PRKCE: variants seen among roughly 807,000 people sequenced by gnomAD.
The protein encoded by PRKCE is protein kinase C epsilon type.
PRKCE carries 16 observed loss-of-function variants against 85.4 expected under a neutral mutation model. The ratio of observed to expected loss-of-function variants is 0.19; its 90% CI spans 0.13 to 0.28. The LOEUF (loss-of-function observed/expected upper bound fraction) is 0.28. Ranked by LOEUF, PRKCE falls within the 10% of genes least tolerant of loss-of-function variation. The pLI is 1.00. For missense variants in PRKCE, 573 were observed against 975.2 expected (o/e 0.59, Z 5.49); for synonymous variants, 388 against 371.5 (o/e 1.04, Z -0.51).
chr2:45,837,631 C>A (rs1282246979), intron 1 of PRKCE, among the ~76,000 whole-genome samples: 1 of 152,182 alleles, frequency 6.6e-6, no homozygotes, highest in African/African-American at 2.4e-5. Flanking sequence ...ATGGCACCTC[C>A]TGGGGTTGTG....
intron 10 of PRKCE, among the ~76,000 whole-genome samples, chr2:46,018,520 C>T (rs1706364132): frequency 6.6e-6 from 1 of 152,108 alleles, no homozygotes; most frequent in Admixed American, 6.5e-5. Context: ...ATACAGTGCC[C>T]AGAACTCAGT....
At chr2:45,884,684 C>T (rs1057388477) in intron 2 of PRKCE, among the ~76,000 whole-genome samples, 9 of 152,056 alleles carry the variant, frequency 5.9e-5, no homozygotes, top group Non-Finnish European at 8.8e-5. Flanking sequence ...CTTTAGAGTT[C>T]CTGGCCTGTG....
intron 1 of PRKCE, among the ~76,000 whole-genome samples, chr2:45,827,479 G>A (rs1293473430): frequency 6.6e-6 from 1 of 152,138 alleles, no homozygotes; most frequent in East Asian, 1.9e-4. Flanking sequence ...TTGTCCAGCT[G>A]TATGAGCCGG....
intron 2 of PRKCE, among the ~76,000 whole-genome samples, chr2:45,953,444 T>C (rs1027318180): frequency 2.0e-5 from 3 of 152,182 alleles, no homozygotes; most frequent in Non-Finnish European, 4.4e-5. Flanking sequence ...TCTTCCTCCC[T>C]TCCCTCTCCC....
At chr2:45,981,550 G>C (rs544814424) in intron 5 of PRKCE, among the ~76,000 whole-genome samples, 8 of 152,308 alleles carry the variant, frequency 5.3e-5, no homozygotes, top group African/African-American at 1.9e-4. Flanking sequence ...GTGAAGGTTA[G>C]TCTGAGCCCA....
Position 46,068,226 on chromosome 2 carries a change from G to A in PRKCE, c.1438-17982G>A, listed in dbSNP as rs143642933. ...TAATCTATTTTGGTGAGCCACTTGA[G>A]TCATAGGCTATCTAACTTACGAGCA... On this transcript the variant is annotated intron_variant, in intron 10 of 14. Coordinates refer to ENST00000306156, the MANE Select transcript of PRKCE (RefSeq NM_005400.3). This position sits in a 1 kb window ranked among gnomAD's most constrained non-coding sequence, Gnocchi z 4.3. Among the ~76,000 whole-genome samples, 1 of 152,128 alleles carries A rather than the reference G, an allele frequency of 6.6e-6. No individual in the cohort carries two copies. The highest frequency in any genetic ancestry group is 1.5e-5 in the Non-Finnish European group (1 of 68,032).
intron 1 of PRKCE, among the ~76,000 whole-genome samples, chr2:45,835,053 T>C (rs1690743680): frequency 6.6e-6 from 1 of 152,178 alleles, no homozygotes; most frequent in Non-Finnish European, 1.5e-5. Flanking sequence ...TTTGCACACG[T>C]GGGTGGGTGT....
chr2:46,073,053 C>G (rs977645074), intron 10 of PRKCE, among the ~76,000 whole-genome samples: 5 of 152,316 alleles, frequency 3.3e-5, no homozygotes, highest in East Asian at 3.9e-4. Flanking sequence ...ATAGAGGGGC[C>G]TGGAAATCTG....
At chr2:46,112,407 T>G (rs1672348646) in intron 11 of PRKCE, among the ~76,000 whole-genome samples, 1 of 152,360 alleles carries the variant, frequency 6.6e-6, no homozygotes, top group Middle Eastern at 3.4e-3. Context: ...TTTTAATTGA[T>G]GTATTTAGAC....
intron 1 of PRKCE, 122 bp from the exon 2 acceptor site, chr2:45,842,878 G>A (rs1029126530): frequency 3.5e-6 from 3 of 859,766 alleles, no homozygotes; most frequent in Admixed American, 1.8e-5. Context: ...ACACATTGTA[G>A]GTTGGTGAAT....
intron 1 of PRKCE, among the ~76,000 whole-genome samples, chr2:45,732,203 C>T (rs779712800): frequency 1.6e-4 from 25 of 152,076 alleles, no homozygotes; most frequent in Non-Finnish European, 1.5e-4. Context: ...GGGCCCTGGA[C>T]ATCCTAGGGC....
Position 45,652,510 on chromosome 2 carries a change from G to C in PRKCE, c.348+62G>C. On this transcript the variant is annotated intron_variant, in intron 1 of 14. Transcript: ENST00000306156. The surrounding 1 kb of genome is among the most constrained non-coding windows in gnomAD (Gnocchi z 7.7). ...GTTGTGGGGTCCCGGGGAAAGACTC[G>C]CTGGTCTTGATCGTAGGGCTCCGGG... is the stretch of plus-strand genomic sequence containing the variant. 4.2e-6 allele frequency: 6 copies of C among 1,443,472 alleles called. No homozygotes were observed. Among genetic ancestry groups the C allele is most frequent in the Non-Finnish European group, 4.7e-6 (5 of 1,072,338 alleles). 89.4% of individuals were successfully genotyped at this position (1,443,472 alleles called of 1,614,324 possible).
intron 1 of PRKCE, among the ~76,000 whole-genome samples, chr2:45,737,062 G>A (rs115306071): frequency 0.017 from 2,514 of 152,248 alleles, 39 homozygotes; most frequent in Middle Eastern, 0.027. Context: ...CCTGTGTGCT[G>A]TCAGGCCCCA....
At chr2:46,030,822 G>T (rs1393054540) in intron 10 of PRKCE, among the ~76,000 whole-genome samples, 2 of 152,146 alleles carry the variant, frequency 1.3e-5, no homozygotes, top group Non-Finnish European at 2.9e-5. Context: ...CTGTATTCCT[G>T]CACCACAAAC....
intron 3 of PRKCE, among the ~76,000 whole-genome samples, 170 bp from the exon 4 acceptor site, chr2:45,978,806 G>A (rs1281338343): frequency 6.6e-6 from 1 of 152,190 alleles, no homozygotes; most frequent in African/African-American, 2.4e-5. Flanking sequence ...GTGGGCTTCT[G>A]GAAGGAGACA....
At chr2:45,686,610 C>G (rs750947813) in intron 1 of PRKCE, among the ~76,000 whole-genome samples, 1 of 152,036 alleles carries the variant, frequency 6.6e-6, no homozygotes, top group African/African-American at 2.4e-5. Flanking sequence ...AGAATGGAAG[C>G]AAATGCTTCA....
rs547429707 is a variant in PRKCE at position 46,001,576 on chromosome 2, G to A, written c.966+30G>A. The A allele has an allele frequency of 5.8e-5, 92 of 1,590,814 alleles. 1 individual carries two copies. In the South Asian group the frequency reaches 9.9e-4, roughly 17 times the overall value. On this transcript the variant is annotated intron_variant, in intron 7 of 14. Transcript: ENST00000306156. This position sits in a 1 kb window ranked among gnomAD's most constrained non-coding sequence, Gnocchi z 4.4. ...CTGGCTGTTTGGTGGTGTTGCTGGA[G>A]CCCTTTTCAGGCTAGCATTTCTGTG...
intron 1 of PRKCE, among the ~76,000 whole-genome samples, chr2:45,780,956 G>C (rs2104999792): frequency 6.6e-6 from 1 of 152,320 alleles, no homozygotes; most frequent in South Asian, 2.1e-4. Context: ...AATTTGGACA[G>C]TGTTTGCAGA....
chr2:46,014,892 T>A (rs1705996147), intron 10 of PRKCE, among the ~76,000 whole-genome samples: 1 of 152,246 alleles, frequency 6.6e-6, no homozygotes, highest in Non-Finnish European at 1.5e-5. Context: ...TCATTTGTAT[T>A]ATTTTTCCAA....
Sources: gnomAD v4.1 joint callset for allele counts (sites outside exome capture counted in the v4.1 genomes callset) on GRCh38, gnomAD v4.1.1 for gene constraint, Gnocchi (gnomAD v3.1) non-coding constraint, MANE v1.5 for transcripts, NCBI Gene and HGNC (gene_info 2026-07-23, HGNC 2026-07-21) for gene names.